Variants in ADH4 observed in about 807,000 individuals in gnomAD.
ADH4 encodes the protein alcohol dehydrogenase 4 (class II), pi polypeptide.
Under a neutral mutation model 35.2 loss-of-function variants are expected in ADH4, and 31 were observed. That is an observed-to-expected ratio of 0.88 (90% CI 0.66 to 1.19). The LOEUF (loss-of-function observed/expected upper bound fraction) is 1.19, where lower values mean the gene tolerates loss of function less well. ADH4 is among the 50% of genes most tolerant of loss of function. The probability of loss-of-function intolerance (pLI) is 0.00; values close to 1 mark genes in which losing one functional copy is unlikely to be tolerated. For synonymous variants in ADH4, 171 were observed against 160.2 expected, an observed-to-expected ratio of 1.07 and a Z score of -0.51; for missense variants, 476 against 458.3, an observed-to-expected ratio of 1.04 and a Z score of -0.35.
intron 5 of ADH4, among the ~76,000 whole-genome samples, chr4:99,135,444 T>C (rs543995713): frequency 3.9e-5 from 6 of 151,962 alleles, no homozygotes; most frequent in South Asian, 4.2e-4. Context: ...AGAAAAAAAT[T>C]TGGGGTGAAA....
chr4:99,128,022 TAAG>T (rs1256603682), intron 6 of ADH4, among the ~76,000 whole-genome samples: 1 of 148,244 alleles, frequency 6.7e-6, no homozygotes, highest in Non-Finnish European at 1.5e-5. Flanking sequence ...TTTTGACAAA[TAAG>T]ACTAATTTAA....
At chr4:99,125,388 C>G (rs953627130) in intron 8 of ADH4, among the ~76,000 whole-genome samples, 1 of 152,194 alleles carries the variant, frequency 6.6e-6, no homozygotes, top group African/African-American at 2.4e-5. Context: ...ATGTGGGAGA[C>G]TTGCCCATAA....
rs1729538449 is a variant in ADH4, at chr4:99,139,286, ATTACC to A, written c.263-143_263-139del. 1.0e-5 allele frequency: 6 copies of A among 591,872 alleles called. No individual in the cohort carries two copies. In the East Asian group the frequency reaches 1.7e-4, roughly 17 times the overall value. The allele number at this position is 591,872 out of a possible 1,614,324, so 36.7% of individuals were successfully genotyped here. ...AAAGTATAGGTGGCTACAGTATTTC[ATTACC>A]TTACAAGACTGCAGATTCCCCAACG... On this transcript the variant is annotated intron_variant, in intron 3 of 8. Coordinates refer to ENST00000265512, the MANE Select transcript of ADH4 (RefSeq NM_000670.5).
At chr4:99,135,935 A>G (rs902031446) in intron 5 of ADH4, among the ~76,000 whole-genome samples, 9 of 152,280 alleles carry the variant, frequency 5.9e-5, no homozygotes, top group African/African-American at 1.7e-4. Flanking sequence ...TTCCAGGGAC[A>G]CATCTGGTCA....
Position 99,139,191 on chromosome 4 carries a change from C to G in ADH4, c.263-43G>C, listed in dbSNP as rs1265346259. 4 of 1,294,880 alleles carry G rather than the reference C, an allele frequency of 3.1e-6. No homozygotes were observed. In the East Asian group the frequency reaches 7.0e-5, roughly 23 times the overall value. The allele number at this position is 1,294,880 out of a possible 1,614,324, so 80.2% of individuals were successfully genotyped here. On this transcript the variant is annotated intron_variant, in intron 3 of 8. Transcript: ENST00000265512. ...ATGTTGGATGGTGCCTAAGGTGTTA[C>G]TTATAGCTTCTACCAGATAAATCAG...
At position 99,124,596 on chromosome 4, in the gene ADH4, AT is replaced by A. The variant is rs527372947; in HGVS notation, c.1119-131del. On this transcript the variant is annotated intron_variant, in intron 8 of 8. Transcript: ENST00000265512. ...ATAGACATTCACTTTATTAAGCCTA[AT>A]TTCTTTTATCCCGTCATCCTCTTCC... The A allele has an allele frequency of 1.9e-3, 1,086 of 580,396 alleles. 24 individuals are homozygous for A. The South Asian group carries it at 0.026, about 14-fold the overall frequency. 36.0% of individuals were successfully genotyped at this position (580,396 alleles called of 1,614,324 possible). A position where few individuals can be genotyped will look rare whatever the true frequency, so the allele number is the denominator to read the frequency against.
intron 5 of ADH4, among the ~76,000 whole-genome samples, chr4:99,134,529 T>C (rs1019705506): frequency 1.2e-4 from 18 of 152,220 alleles, no homozygotes; most frequent in African/African-American, 4.3e-4. Flanking sequence ...GAGGATGGAC[T>C]GCATGGAGCC....
chr4:99,126,832 T>G (rs1729110342), intron 7 of ADH4, 100 bp from the exon 8 acceptor site: 2 of 1,235,716 alleles, frequency 1.6e-6, no homozygotes, highest in Admixed American at 4.4e-5. Context: ...TCAGATTTGG[T>G]TTGCTTCAAA....
intron 6 of ADH4, 115 bp downstream of exon 6, chr4:99,131,389 C>A (rs1409779495): frequency 5.1e-6 from 6 of 1,178,916 alleles, no homozygotes; most frequent in Non-Finnish European, 7.1e-6. Flanking sequence ...AGTTCTACCA[C>A]CCTGTCATCC....
intron 6 of ADH4, among the ~76,000 whole-genome samples, chr4:99,130,958 G>A (rs553008276): frequency 6.6e-6 from 1 of 152,158 alleles, no homozygotes; most frequent in Non-Finnish European, 1.5e-5. Flanking sequence ...TAATGCATAA[G>A]ATAGCTAAAC....
At chr4:99,133,722 C>A (rs1055911119) in intron 5 of ADH4, 18 of 152,124 alleles carry the variant, frequency 1.2e-4, no homozygotes, top group Non-Finnish European at 2.1e-4. Context: ...GATGTGCATA[C>A]CCATGTTCAA....
Position 99,126,742 on chromosome 4 carries a change from G to T in ADH4, c.980-10C>A. The T allele has an allele frequency of 6.3e-7, 1 of 1,576,310 alleles. No individual in the cohort carries two copies. Among genetic ancestry groups the T allele is most frequent in the South Asian group, 1.2e-5 (1 of 85,856 alleles). On this transcript the variant is annotated splice_polypyrimidine_tract_variant and intron_variant, in intron 7 of 8. Transcript: ENST00000265512. ...TCTACACTTTTCCAACCTGTAATGT[G>T]GACAAAATGCAAAATAAAGACATGG...
chr4:99,142,623 G>T, intron 2 of ADH4, 56 bp downstream of exon 2: 2 of 1,170,628 alleles, frequency 1.7e-6, no homozygotes, highest in Non-Finnish European at 2.3e-6. Flanking sequence ...CCTGACAGAA[G>T]CCAGGTCTCC....
In ADH4 at chr4:99,139,093, C is replaced by T; in HGVS notation, c.318G>A (p.Leu106=). ...TCCCACACAAATTTGTGAGTGGACT[C>T]AGACAAAACTTGCATTTTCTACATA... ...APLCRKCKFC[L]SPLTNLCGKI... The change falls in exon 4 of 9, where the codon CTG becomes CTA. Residue 106 remains leucine (L), a synonymous_variant. Coordinates refer to ENST00000265512, the MANE Select transcript of ADH4 (RefSeq NM_000670.5). 1 of 1,613,316 alleles carries T rather than the reference C, an allele frequency of 6.2e-7. No homozygotes were observed.
At chr4:99,136,412 C>T (rs1184077930) in intron 5 of ADH4, 54 bp downstream of exon 5, 7 of 1,455,214 alleles carry the variant, frequency 4.8e-6, no homozygotes, top group Non-Finnish European at 6.7e-6. Flanking sequence ...TCATCTGTAT[C>T]ACACTGCCTC....
chr4:99,140,938 T>A (rs1729594554), intron 3 of ADH4, among the ~76,000 whole-genome samples: 1 of 152,018 alleles, frequency 6.6e-6, no homozygotes, highest in Admixed American at 6.6e-5. Flanking sequence ...GTTTGCTATA[T>A]AAGTAAACTT....
At chr4:99,129,173 AAAGT>A (rs1400119767) in intron 6 of ADH4, among the ~76,000 whole-genome samples, 1 of 152,124 alleles carries the variant, frequency 6.6e-6, no homozygotes, top group African/African-American at 2.4e-5. Context: ...AAGATAAAAA[AAAGT>A]AAGTAGGGGA....
At chr4:99,142,303 T>C (rs29001177) in intron 2 of ADH4, among the ~76,000 whole-genome samples, 1,698 of 152,260 alleles carry the variant, frequency 0.011, 29 homozygotes, top group African/African-American at 0.038. Flanking sequence ...GCACGTCAGG[T>C]TTTTTCTTCT....
chr4:99,128,173 G>A (rs942751405), intron 6 of ADH4, among the ~76,000 whole-genome samples: 28 of 152,178 alleles, frequency 1.8e-4, no homozygotes, highest in African/African-American at 6.7e-4. Flanking sequence ...GGTGGCTCAC[G>A]CCTGTAATCC....
Sources: allele counts gnomAD v4.1 joint callset (sites outside exome capture counted in the v4.1 genomes callset), GRCh38; gene constraint gnomAD v4.1.1; transcripts MANE v1.5; gene names NCBI Gene and HGNC (gene_info 2026-07-23, HGNC 2026-07-21).